The following DOCK8 variants were observed in gnomAD, a reference collection of about 807,000 sequenced individuals.
The protein encoded by DOCK8 is dedicator of cytokinesis protein 8.
DOCK8 carries 141 observed loss-of-function variants against 245.6 expected under a neutral mutation model. The observed-to-expected ratio is 0.57, with a 90% CI of 0.50 to 0.66. The LOEUF is 0.66. Ranked by LOEUF, DOCK8 falls within the 30% of genes least tolerant of loss-of-function variation. The pLI is 0.00. For synonymous variants in DOCK8, 1,168 were observed against 970.2 expected, an observed-to-expected ratio of 1.20 and a Z score of -3.79; for missense variants, 2,965 against 2,603.4, an observed-to-expected ratio of 1.14 and a Z score of -3.02.
intron 1 of DOCK8, among the ~76,000 whole-genome samples, chr9:226,429 G>C (rs1264556684): frequency 6.6e-6 from 1 of 152,132 alleles, no homozygotes; most frequent in Non-Finnish European, 1.5e-5. Flanking sequence ...GGCATGATGC[G>C]ATTGACTTTT....
At chr9:352,523 C>A (rs2052219933) in intron 14 of DOCK8, among the ~76,000 whole-genome samples, 1 of 152,034 alleles carries the variant, frequency 6.6e-6, no homozygotes, top group Non-Finnish European at 1.5e-5. Context: ...GCGGGTGGAT[C>A]ACAAGGTCAG....
intron 46 of DOCK8, among the ~76,000 whole-genome samples, chr9:461,761 T>G (rs530758451): frequency 1.3e-5 from 2 of 151,914 alleles, no homozygotes; most frequent in South Asian, 4.2e-4. Flanking sequence ...AGTCTAGTCT[T>G]TAACTTGTGA....
At chr9:254,860 C>T (rs914832990) in intron 1 of DOCK8, among the ~76,000 whole-genome samples, 1 of 152,114 alleles carries the variant, frequency 6.6e-6, no homozygotes, top group Non-Finnish European at 1.5e-5. Context: ...ACATCTGAAC[C>T]CTTGGCGTTA....
chr9:399,286 C>T lies in DOCK8; in HGVS notation c.3234+27C>T, dbSNP rs372711282. ...TGAGTGTCCCCCCCACCCCCACCCC[C>T]GAGCGAGCCACTTGGTTCCTTCTCA... On this transcript the variant is annotated intron_variant, in intron 26 of 47. Coordinates refer to ENST00000432829, the MANE Select transcript of DOCK8 (RefSeq NM_203447.4). 2.8e-4 allele frequency: 413 copies of T among 1,501,690 alleles called. 2 individuals carry two copies. The South Asian group carries it at 3.2e-3, about 12-fold the overall frequency. 93.0% of individuals were successfully genotyped at this position (1,501,690 alleles called of 1,614,324 possible). A position where few individuals can be genotyped will look rare whatever the true frequency, so the allele number is the denominator to read the frequency against.
chr9:378,984 T>C (rs1478009479), intron 20 of DOCK8, among the ~76,000 whole-genome samples: 1 of 152,022 alleles, frequency 6.6e-6, no homozygotes, highest in Non-Finnish European at 1.5e-5. Context: ...ATGGAGGAGG[T>C]GGGACTTGTG....
At chr9:382,305 C>G (rs907841009) in intron 21 of DOCK8, among the ~76,000 whole-genome samples, 1 of 152,150 alleles carries the variant, frequency 6.6e-6, no homozygotes, top group African/African-American at 2.4e-5. Context: ...TTACCATGAT[C>G]TCCACCACTC....
intron 24 of DOCK8, among the ~76,000 whole-genome samples, chr9:394,758 AG>A (rs1485794828): frequency 6.6e-6 from 1 of 152,210 alleles, no homozygotes; most frequent in Non-Finnish European, 1.5e-5. Flanking sequence ...AGGCCCATAT[AG>A]GGGGAAAGAT....
intron 25 of DOCK8, among the ~76,000 whole-genome samples, chr9:398,766 C>G (rs1564008928): frequency 6.7e-6 from 1 of 149,456 alleles, no homozygotes; most frequent in African/African-American, 2.5e-5. Flanking sequence ...TCATTGAAAA[C>G]AGTAAGTATT....
At chr9:357,450 T>C (rs561851182) in intron 14 of DOCK8, among the ~76,000 whole-genome samples, 1 of 152,220 alleles carries the variant, frequency 6.6e-6, no homozygotes, top group African/African-American at 2.4e-5. Flanking sequence ...TATTGTTTTA[T>C]TTCTCTCTCT....
At chr9:215,199 A>C in intron 1 of DOCK8, 170 bp downstream of exon 1, 3 of 1,519,126 alleles carry the variant, frequency 2.0e-6, no homozygotes, top group Non-Finnish European at 2.6e-6. Flanking sequence ...GAGCCGCTGG[A>C]CGCGCGGCGG....
At chr9:388,068 G>A (rs1017860275) in intron 23 of DOCK8, among the ~76,000 whole-genome samples, 1 of 152,168 alleles carries the variant, frequency 6.6e-6, no homozygotes, top group Non-Finnish European at 1.5e-5. Context: ...TTAAGAAGCA[G>A]CTTATCCTTG....
In DOCK8 at chr9:322,696, T is replaced by C. The variant is rs151176819; in HGVS notation, c.828-2975T>C. ...GAGGACTTACTACTCAGTACCAACC[T>C]AAGTATATCACAGCAATATTCAGGC... On this transcript the variant is annotated intron_variant, in intron 7 of 47. Coordinates refer to ENST00000432829, the MANE Select transcript of DOCK8 (RefSeq NM_203447.4). 4.8e-3 allele frequency among the ~76,000 whole-genome samples: 725 copies of C among 152,334 alleles called. 28 individuals carry two copies. Among genetic ancestry groups the C allele is most frequent in the Admixed American group, 0.042 (636 of 15,290 alleles).
chr9:414,566 T>G (rs1281557018), intron 28 of DOCK8, among the ~76,000 whole-genome samples: 1 of 152,124 alleles, frequency 6.6e-6, no homozygotes, highest in Non-Finnish European at 1.5e-5. Flanking sequence ...GCAGTCTGTT[T>G]CTGGATTCTA....
intron 43 of DOCK8, among the ~76,000 whole-genome samples, chr9:444,612 C>T (rs186695282): frequency 1.1e-3 from 175 of 152,274 alleles, no homozygotes; most frequent in Middle Eastern, 0.01. Flanking sequence ...CAGCCCCTCT[C>T]CTGTCTCCAG....
chr9:260,202 C>A (rs947772832), intron 1 of DOCK8, among the ~76,000 whole-genome samples: 3 of 152,196 alleles, frequency 2.0e-5, no homozygotes, highest in African/African-American at 7.2e-5. Flanking sequence ...CACTTGGAGT[C>A]CTCATGAGAA....
At chr9:245,757 C>G (rs2047491723) in intron 1 of DOCK8, among the ~76,000 whole-genome samples, 1 of 152,134 alleles carries the variant, frequency 6.6e-6, no homozygotes, top group Non-Finnish European at 1.5e-5. Flanking sequence ...CTCAGATACC[C>G]TTTTTCTTCT....
chr9:341,251 A>G (rs2051574891), intron 14 of DOCK8, among the ~76,000 whole-genome samples: 1 of 152,206 alleles, frequency 6.6e-6, no homozygotes, highest in Non-Finnish European at 1.5e-5. Flanking sequence ...GGAGCTAGAC[A>G]CTGAAGGCCT....
At chr9:281,284 A>G (rs1271398476) in intron 2 of DOCK8, among the ~76,000 whole-genome samples, 1 of 151,824 alleles carries the variant, frequency 6.6e-6, no homozygotes, top group African/African-American at 2.4e-5. Context: ...TTAATTTTTG[A>G]TTTTTTCTTA....
chr9:428,315 T>G, intron 34 of DOCK8, 47 bp from the exon 35 acceptor site: 1 of 1,613,300 alleles, frequency 6.2e-7, no homozygotes, highest in East Asian at 2.2e-5. Context: ...ATCCAGTTCA[T>G]TGGCACAGTG....
Sources: allele counts gnomAD v4.1 joint callset (sites outside exome capture counted in the v4.1 genomes callset), GRCh38; gene constraint gnomAD v4.1.1; transcripts MANE v1.5; gene names NCBI Gene and HGNC (gene_info 2026-07-23, HGNC 2026-07-21).